EEA1: variants seen among roughly 807,000 people sequenced by gnomAD.
EEA1 encodes the protein early endosome antigen 1, 162kD.
A neutral mutation model predicts 209.2 loss-of-function variants in EEA1; 111 were observed. The observed-to-expected ratio is 0.53, with a 90% confidence interval of 0.45 to 0.62. EEA1 has a LOEUF of 0.62. Ranked by LOEUF, EEA1 falls within the 20% of genes least tolerant of loss-of-function variation. The pLI, the probability that EEA1 is intolerant of heterozygous loss-of-function variation, is 0.00. For synonymous variants in EEA1, 536 were observed against 540.6 expected, an observed-to-expected ratio of 0.99 and a Z score of 0.12; for missense variants, 1,343 against 1,530.8, an observed-to-expected ratio of 0.88 and a Z score of 2.05.
chr12:92,912,844 C>T (rs1226867667), intron 1 of EEA1, among the ~76,000 whole-genome samples: 1 of 152,156 alleles, frequency 6.6e-6, no homozygotes, highest in Admixed American at 6.5e-5. Context: ...GCCTCCAGTT[C>T]CATCCCTGTT....
chr12:92,841,084 A>G (rs1877145137), intron 10 of EEA1, among the ~76,000 whole-genome samples: 1 of 152,210 alleles, frequency 6.6e-6, no homozygotes. Flanking sequence ...CTCAGCCTCC[A>G]AAATAGTAAA....
At chr12:92,928,257 T>A (rs183369775) in intron 1 of EEA1, among the ~76,000 whole-genome samples, 24 of 152,276 alleles carry the variant, frequency 1.6e-4, no homozygotes, top group African/African-American at 5.3e-4. Context: ...TCTTAAATGA[T>A]ACACCTACAG....
chr12:92,873,471 A>G (rs932727042), intron 2 of EEA1, among the ~76,000 whole-genome samples: 3 of 152,244 alleles, frequency 2.0e-5, no homozygotes, highest in African/African-American at 7.2e-5. Flanking sequence ...ATTGTGCCTG[A>G]TGATACAGTA....
rs1873544882 is a variant in EEA1 at position 92,774,027 on chromosome 12, G to T, written c.*1984C>A. 8.4e-6 allele frequency: 1 copy of T among 118,456 alleles called. No homozygotes were observed. The highest frequency in any genetic ancestry group is 1.7e-5 in the Non-Finnish European group (1 of 58,724). The allele number at this position is 118,456 out of a possible 1,614,324, so 7.3% of individuals were successfully genotyped here. ...CAAAGTAAACAAATATTCAAACCCAGATTTCTCATGGAATTTATTATCTCA... is the reference window on the plus strand; with the variant it reads ...CAAAGTAAACAAATATTCAAACCCATATTTCTCATGGAATTTATTATCTCA... On this transcript the variant is annotated 3_prime_UTR_variant, in exon 29 of 29. Coordinates refer to ENST00000322349, the MANE Select transcript of EEA1 (RefSeq NM_003566.4).
At chr12:92,822,153 T>TA (rs1477441213) in intron 13 of EEA1, among the ~76,000 whole-genome samples, 1 of 151,918 alleles carries the variant, frequency 6.6e-6, no homozygotes, top group East Asian at 1.9e-4. Context: ...TTCTTAACAA[T>TA]ACCTTATTCC....
chr12:92,782,115 A>G lies in EEA1; in HGVS notation c.3171T>C (p.Ser1057=), dbSNP rs1250908104. 6.2e-7 allele frequency: 1 copy of G among 1,611,206 alleles called. No homozygotes were observed. Among genetic ancestry groups the G allele is most frequent in the Non-Finnish European group, 8.5e-7 (1 of 1,178,570 alleles). The change falls in exon 23 of 29, where the codon TCT becomes TCC. Residue 1057 remains serine, a synonymous_variant. Coordinates refer to ENST00000322349, the MANE Select transcript of EEA1 (RefSeq NM_003566.4). ...QDLKSVEEKL[S]LAQEDLISNR... ...TTGAAATCAAGTCCTCCTGTGCTAG[A>G]GAAAGCTTCTCTTCTACAGACTTAC...
At chr12:92,881,337 T>C (rs12316271) in intron 2 of EEA1, among the ~76,000 whole-genome samples, 204 of 151,898 alleles carry the variant, frequency 1.3e-3, no homozygotes, top group African/African-American at 4.8e-3. Context: ...GGAAGATCAC[T>C]TGAGCCCGGG....
Position 92,876,776 on chromosome 12 carries a change from CAAG to C in EEA1, c.118-11792_118-11790del, listed in dbSNP as rs1471834998. On this transcript the variant is annotated intron_variant, in intron 2 of 28. Transcript: ENST00000322349. ...ATTCGATATGCCCGGATCAGAGTAT[CAAG>C]AAGACTATGAGAAGAAATGAAGCTA... is the stretch of plus-strand genomic sequence containing the variant. 1.2e-4 allele frequency among the ~76,000 whole-genome samples: 16 copies of C among 131,828 alleles called. No individual in the cohort carries two copies. The Admixed American group carries it at 1.3e-3, about 11-fold the overall frequency. The allele number at this position is 131,828 out of a possible 152,430, so 86.5% of individuals were successfully genotyped here.
intron 13 of EEA1, among the ~76,000 whole-genome samples, chr12:92,821,906 A>C (rs1398151983): frequency 2.0e-5 from 3 of 150,174 alleles, no homozygotes; most frequent in Non-Finnish European, 4.4e-5. Flanking sequence ...CGAATTTAAC[A>C]AAAAAACCTT....
At chr12:92,901,189 C>T (rs1224822960) in intron 1 of EEA1, among the ~76,000 whole-genome samples, 1 of 152,030 alleles carries the variant, frequency 6.6e-6, no homozygotes, top group African/African-American at 2.4e-5. Flanking sequence ...TTGACTGAGC[C>T]GAAGTAAGCA....
chr12:92,846,756 G>T (rs1304789690), intron 9 of EEA1, among the ~76,000 whole-genome samples: 1 of 152,084 alleles, frequency 6.6e-6, no homozygotes, highest in African/African-American at 2.4e-5. Flanking sequence ...AGAAGTCAAT[G>T]AATTCATAAG....
intron 15 of EEA1, among the ~76,000 whole-genome samples, chr12:92,815,884 T>G (rs542983501): frequency 6.6e-6 from 1 of 151,778 alleles, no homozygotes; most frequent in South Asian, 2.1e-4. Context: ...TTTCACTAGG[T>G]GTAGCTTGAG....
chr12:92,816,430 T>C (rs1456284904), intron 14 of EEA1, 30 bp from the exon 15 acceptor site: 1 of 1,590,818 alleles, frequency 6.3e-7, no homozygotes, highest in South Asian at 1.1e-5. Flanking sequence ...AATCGTGAAG[T>C]TCACAAATGA....
At chr12:92,850,470 G>A (rs1236128489) in intron 9 of EEA1, among the ~76,000 whole-genome samples, 2 of 151,980 alleles carry the variant, frequency 1.3e-5, no homozygotes, top group Non-Finnish European at 2.9e-5. Flanking sequence ...CAGGCAGACC[G>A]TCTGAGGTCA....
At position 92,878,210 on chromosome 12, in the gene EEA1, G is replaced by A. The variant is rs143037614; in HGVS notation, c.118-13223C>T. Among the ~76,000 whole-genome samples the A allele has an allele frequency of 5.9e-3, 900 of 152,082 alleles. 11 individuals are homozygous for A. Among genetic ancestry groups the A allele is most frequent in the African/African-American group, 0.021 (851 of 41,472 alleles). The stretch of plus-strand genomic sequence containing the variant: ...GAAGCCAGGAGCTTGAGACCAGCTG[G>A]GGCAACATAGCAAGACCCCTCGCTA... On this transcript the variant is annotated intron_variant, in intron 2 of 28. Coordinates refer to ENST00000322349, the MANE Select transcript of EEA1 (RefSeq NM_003566.4).
At chr12:92,778,239 A>T in intron 25 of EEA1, 60 bp from the exon 26 acceptor site, 3 of 1,355,266 alleles carry the variant, frequency 2.2e-6, no homozygotes, top group Non-Finnish European at 3.1e-6. Context: ...AATAAATGTA[A>T]GTGATTTATT....
At chr12:92,905,623 T>C (rs1041490516) in intron 1 of EEA1, 2 of 151,582 alleles carry the variant, frequency 1.3e-5, no homozygotes, top group African/African-American at 4.8e-5. Flanking sequence ...AGAACAGATG[T>C]CTGCAATAAA....
intron 1 of EEA1, among the ~76,000 whole-genome samples, chr12:92,914,225 C>T (rs1205245416): frequency 6.6e-6 from 1 of 152,090 alleles, no homozygotes; most frequent in Non-Finnish European, 1.5e-5. Flanking sequence ...TAGCCCTGCA[C>T]TCAGATCCCA....
Position 92,771,020 on chromosome 12 carries a change from T to TGTGC in EEA1, c.*4990_*4991insGCAC, listed in dbSNP as rs1315583031. The TGTGC allele has an allele frequency of 1.3e-5, 2 of 152,002 alleles. No individual in the cohort carries two copies. Among genetic ancestry groups the TGTGC allele is most frequent in the Non-Finnish European group, 2.9e-5 (2 of 67,988 alleles). 9.4% of individuals were successfully genotyped at this position (152,002 alleles called of 1,614,324 possible). A position where few individuals can be genotyped will look rare whatever the true frequency, so the allele number is the denominator to read the frequency against. On this transcript the variant is annotated 3_prime_UTR_variant, in exon 29 of 29. Transcript: ENST00000322349. ...TGGTGTGTGTGTGTGTGTGTGTGTG[T>TGTGC]GTTAGCACAGTACAGTCACTTAATT...
Sources: allele counts gnomAD v4.1 joint callset (sites outside exome capture counted in the v4.1 genomes callset), GRCh38; gene constraint gnomAD v4.1.1; transcripts MANE v1.5; gene names NCBI Gene and HGNC (gene_info 2026-07-23, HGNC 2026-07-21).